The following LTF variants were observed in gnomAD, a reference collection of about 807,000 sequenced individuals.
LTF encodes the protein epididymis luminal protein 110.
A neutral mutation model predicts 87.2 loss-of-function variants in LTF; 91 were observed. That is an observed-to-expected ratio of 1.04 (90% CI 0.88 to 1.24). The LOEUF (loss-of-function observed/expected upper bound fraction) is 1.24, where lower values mean the gene tolerates loss of function less well. LTF is among the 50% of genes most tolerant of loss of function. LTF has a pLI of 0.00. For missense variants in LTF, 901 were observed against 904.3 expected (o/e 1.00, Z 0.05); for synonymous variants, 378 against 356.1 (o/e 1.06, Z -0.69).
intron 12 of LTF, among the ~76,000 whole-genome samples, chr3:46,444,031 T>C (rs1054376255): frequency 1.3e-5 from 2 of 152,194 alleles, no homozygotes; most frequent in African/African-American, 2.4e-5. Context: ...TATGGCCATA[T>C]GGGTAGCTAT....
At chr3:46,438,978 C>T (rs1045413753) in intron 15 of LTF, among the ~76,000 whole-genome samples, 4 of 152,038 alleles carry the variant, frequency 2.6e-5, no homozygotes, top group African/African-American at 4.8e-5. Flanking sequence ...GGGAGGAAGG[C>T]TCAGTGGCTT....
intron 1 of LTF, among the ~76,000 whole-genome samples, chr3:46,464,004 G>A (rs1703151098): frequency 6.6e-6 from 1 of 152,178 alleles, no homozygotes; most frequent in Admixed American, 6.5e-5. Flanking sequence ...CTGGGGAGGT[G>A]TGACACCTGG....
In LTF at chr3:46,454,066, G is replaced by A. The variant is rs900503390; in HGVS notation, c.703+239C>T. ...CATGTGTCTTGGAGGACTGGAGGACGCATTGCCAAGCACCTAGGCATGGGT... is the reference window on the plus strand; with the variant it reads ...CATGTGTCTTGGAGGACTGGAGGACACATTGCCAAGCACCTAGGCATGGGT... On this transcript the variant is annotated intron_variant, in intron 6 of 16. Transcript: ENST00000231751. The A allele has an allele frequency of 3.0e-5, 16 of 528,922 alleles. No individual in the cohort carries two copies. In the South Asian group the frequency reaches 3.6e-4, roughly 12 times the overall value. The allele number at this position is 528,922 out of a possible 1,614,324, so 32.8% of individuals were successfully genotyped here.
chr3:46,435,911 C>T lies in LTF; in HGVS notation c.*284G>A, dbSNP rs1048121563. ...CTGCAAGAAAGAGGAGGGGCTGGACCTGAAAAACTTGGAAGGGAAGGTCCA... is the reference window on the plus strand; with the variant it reads ...CTGCAAGAAAGAGGAGGGGCTGGACTTGAAAAACTTGGAAGGGAAGGTCCA... On this transcript the variant is annotated 3_prime_UTR_variant, in exon 17 of 17. Coordinates refer to ENST00000231751, the MANE Select transcript of LTF (RefSeq NM_002343.6). The T allele has an allele frequency of 3.3e-5, 15 of 458,776 alleles. No homozygotes were observed. Among genetic ancestry groups the T allele is most frequent in the African/African-American group, 2.8e-4 (14 of 50,120 alleles). The allele number at this position is 458,776 out of a possible 1,614,324, so 28.4% of individuals were successfully genotyped here.
chr3:46,468,782 T>C (rs1703247579), upstream of LTF, among the ~76,000 whole-genome samples: 1 of 152,186 alleles, frequency 6.6e-6, no homozygotes, highest in Admixed American at 6.5e-5. Context: ...TCCCTGCCAG[T>C]GGTGAGAGAT....
intron 1 of LTF, chr3:46,463,774 G>A (rs1199885841): frequency 1.1e-5 from 4 of 362,888 alleles, no homozygotes; most frequent in South Asian, 1.1e-4. Context: ...GGGAGCTTGA[G>A]GGGAAGAGAA....
Position 46,464,787 on chromosome 3 carries a change from C to A in LTF, c.43+38G>T, listed in dbSNP as rs772558830. 3 of 1,611,706 alleles carry A rather than the reference C, an allele frequency of 1.9e-6. No individual in the cohort carries two copies. The East Asian group carries it at 6.7e-5, about 36-fold the overall frequency. Reference sequence around the variant, plus strand: ...CTAGCAGACAGGGCGCAGGAGACGCCCATCAGGCGGCTCGCGCCCCCAGGC... The same window carrying A: ...CTAGCAGACAGGGCGCAGGAGACGCACATCAGGCGGCTCGCGCCCCCAGGC... On this transcript the variant is annotated intron_variant, in intron 1 of 16. Transcript: ENST00000231751.
chr3:46,449,692 G>A (rs1318822689), intron 8 of LTF, among the ~76,000 whole-genome samples, 162 bp downstream of exon 8: 1 of 152,198 alleles, frequency 6.6e-6, no homozygotes, highest in Non-Finnish European at 1.5e-5. Context: ...TTCTTTTAGA[G>A]ACACCTGACC....
In LTF at chr3:46,439,314, C is replaced by T; in HGVS notation, c.1890G>A (p.Gln630=). The change falls in exon 15 of 17, where the codon CAG becomes CAA. Residue 630 remains glutamine (Q), a synonymous_variant. Coordinates refer to ENST00000231751, the MANE Select transcript of LTF (RefSeq NM_002343.6). Reference sequence around the variant, plus strand: ...TCCATACCTGTTGGTGGAGCAACACCTGTTTCAGGCGTTCCACCTTATCCA... The same window carrying T: ...TCCATACCTGTTGGTGGAGCAACACTTGTTTCAGGCGTTCCACCTTATCCA... The part of the protein sequence containing the change: ...SRMDKVERLK[Q]VLLHQQAKFG... 4 of 1,612,658 alleles carry T rather than the reference C, an allele frequency of 2.5e-6. No homozygotes were observed. Among genetic ancestry groups the T allele is most frequent in the South Asian group, 2.2e-5 (2 of 90,924 alleles).
intron 1 of LTF, among the ~76,000 whole-genome samples, chr3:46,479,661 TTACA>T (rs1703407146): frequency 6.6e-6 from 1 of 152,138 alleles, no homozygotes; most frequent in Admixed American, 6.5e-5. Flanking sequence ...GTAGCAGGGA[TTACA>T]GGCAAGTGCC....
intron 1 of LTF, among the ~76,000 whole-genome samples, chr3:46,480,938 G>T (rs1703423516): frequency 6.6e-6 from 1 of 152,168 alleles, no homozygotes; most frequent in African/African-American, 2.4e-5. Flanking sequence ...ATAAAAGACA[G>T]CAGCCCTGGA....
At chr3:46,479,902 G>T (rs2139634) in intron 1 of LTF, among the ~76,000 whole-genome samples, 55,900 of 151,944 alleles carry the variant, frequency 0.37, 10,592 homozygotes, top group East Asian at 0.51. Context: ...TTTAAAGGAG[G>T]AGGTCATGGG....
At chr3:46,440,313 T>A (rs1702489112) in intron 14 of LTF, among the ~76,000 whole-genome samples, 2 of 152,236 alleles carry the variant, frequency 1.3e-5, no homozygotes, top group African/African-American at 4.8e-5. Context: ...CTCCCTTTCA[T>A]ATTCAAATGC....
At position 46,447,403 on chromosome 3, in the gene LTF, A is replaced by G; in HGVS notation, c.1213-5T>C. 1 of 1,607,148 alleles carries G rather than the reference A, an allele frequency of 6.2e-7. No individual in the cohort carries two copies. Among genetic ancestry groups the G allele is most frequent in the Non-Finnish European group, 8.5e-7 (1 of 1,173,816 alleles). On this transcript the variant is annotated splice_polypyrimidine_tract_variant and splice_region_variant and intron_variant, in intron 9 of 16. Transcript: ENST00000231751. ...CATGGCATCAGCTTCTCCTTTCTGC[A>G]AAGACAGAGCAGATCTCCAGCACCA... is the stretch of plus-strand genomic sequence containing the variant.
At chr3:46,460,354 C>G (rs562755566) in intron 1 of LTF, among the ~76,000 whole-genome samples, 1 of 152,162 alleles carries the variant, frequency 6.6e-6, no homozygotes, top group Non-Finnish European at 1.5e-5. Context: ...ATACCTGAGT[C>G]GGTTGGTAGC....
At chr3:46,462,262 C>T (rs1369233641) in intron 1 of LTF, among the ~76,000 whole-genome samples, 1 of 152,020 alleles carries the variant, frequency 6.6e-6, no homozygotes, top group African/African-American at 2.4e-5. Flanking sequence ...GGCAAAAATC[C>T]AAAAAGAGGA....
At chr3:46,441,631 G>A (rs1007252882) in intron 13 of LTF, 148 bp from the exon 14 acceptor site, 30 of 632,474 alleles carry the variant, frequency 4.7e-5, no homozygotes, top group Middle Eastern at 2.8e-4. Flanking sequence ...GTTTACAGCG[G>A]CAGATTGAAC....
chr3:46,479,105 G>A (rs1703399157), intron 1 of LTF, among the ~76,000 whole-genome samples: 2 of 152,260 alleles, frequency 1.3e-5, no homozygotes, highest in East Asian at 3.8e-4. Context: ...AGATGAGAAT[G>A]TCCATGGACC....
At chr3:46,453,484 T>C (rs757151583) in intron 6 of LTF, among the ~76,000 whole-genome samples, 16 of 151,820 alleles carry the variant, frequency 1.1e-4, no homozygotes, top group Non-Finnish European at 2.1e-4. Flanking sequence ...CTGTCTCTGA[T>C]GGTCCTAGGT....
Sources: allele counts gnomAD v4.1 joint callset (sites outside exome capture counted in the v4.1 genomes callset), GRCh38; gene constraint gnomAD v4.1.1; transcripts MANE v1.5; gene names NCBI Gene and HGNC (gene_info 2026-07-23, HGNC 2026-07-21).